MAP2K4: variants seen among roughly 807,000 people sequenced by gnomAD.
MAP2K4 encodes the protein mitogen-activated protein kinase kinase 4, also known as dual specificity mitogen-activated protein kinase kinase 4.
A neutral mutation model predicts 48.5 loss-of-function variants in MAP2K4; 4 were observed. That is an observed-to-expected ratio of 0.08 (90% CI 0.04 to 0.19). The LOEUF is 0.19. Among genes scored for constraint, MAP2K4 ranks in the 10% least tolerant of loss-of-function variants. The pLI is 1.00. For missense variants in MAP2K4, 258 were observed against 493.3 expected (o/e 0.52, Z 4.52); for synonymous variants, 166 against 173.1 (o/e 0.96, Z 0.32).
intron 4 of MAP2K4, among the ~76,000 whole-genome samples, chr17:12,104,557 C>CT (rs953863932): frequency 1.5e-4 from 22 of 151,702 alleles, no homozygotes; most frequent in South Asian, 1.0e-3. Flanking sequence ...TGTATTTAGG[C>CT]TTTTTTTAAA....
At chr17:12,098,849 T>A (rs146887553) in intron 4 of MAP2K4, among the ~76,000 whole-genome samples, 1 of 152,314 alleles carries the variant, frequency 6.6e-6, no homozygotes, top group East Asian at 1.9e-4. Flanking sequence ...ATCAAGGAGC[T>A]TATGAGATGT....
chr17:12,120,607 A>G (rs1972658858), intron 7 of MAP2K4, among the ~76,000 whole-genome samples: 1 of 144,342 alleles, frequency 6.9e-6, no homozygotes, highest in Non-Finnish European at 1.5e-5. Context: ...TTAGAGCAGT[A>G]TGCATTCATA....
chr17:12,128,379 A>G (rs1356748103), intron 8 of MAP2K4, among the ~76,000 whole-genome samples: 6 of 152,132 alleles, frequency 3.9e-5, no homozygotes, highest in Non-Finnish European at 7.4e-5. Context: ...GCCCGGCCTA[A>G]TTGGTAGGTT....
intron 4 of MAP2K4, among the ~76,000 whole-genome samples, chr17:12,103,844 C>T (rs1427734496): frequency 6.6e-6 from 1 of 152,042 alleles, no homozygotes; most frequent in Admixed American, 6.6e-5. Flanking sequence ...TCGTAATATA[C>T]AGATTTAGTT....
At chr17:12,134,759 A>G (rs1260695014) in intron 9 of MAP2K4, among the ~76,000 whole-genome samples, 1 of 152,258 alleles carries the variant, frequency 6.6e-6, no homozygotes, top group African/African-American at 2.4e-5. Context: ...ACACAAATGT[A>G]CACAAAACAC....
intron 2 of MAP2K4, among the ~76,000 whole-genome samples, chr17:12,060,300 C>T (rs1250053019): frequency 6.6e-6 from 1 of 152,090 alleles, no homozygotes; most frequent in African/African-American, 2.4e-5. Context: ...TCAATTTAGG[C>T]ATTGAATTAG....
Position 12,142,598 on chromosome 17 carries a change from G to A in MAP2K4, c.*1338G>A, listed in dbSNP as rs140706208. 2.7e-4 allele frequency: 63 copies of A among 233,092 alleles called. No homozygotes were observed. The highest frequency in any genetic ancestry group is 1.1e-3 in the African/African-American group (49 of 45,450). The allele number at this position is 233,092 out of a possible 1,614,324, so 14.4% of individuals were successfully genotyped here. On this transcript the variant is annotated 3_prime_UTR_variant, in exon 11 of 11. Transcript: ENST00000353533. The stretch of plus-strand genomic sequence containing the variant: ...TCTAGAGACACATTGGACCAGATGA[G>A]GATCCGAAACGGCAGCCTTTACGTT...
intron 4 of MAP2K4, among the ~76,000 whole-genome samples, chr17:12,099,845 A>G (rs563837376): frequency 1.3e-5 from 2 of 152,352 alleles, no homozygotes; most frequent in South Asian, 2.1e-4. Flanking sequence ...TGAGAATTTC[A>G]TAGCAGGTAA....
chr17:12,057,022 A>C (rs1217724870), intron 2 of MAP2K4, among the ~76,000 whole-genome samples: 2 of 152,166 alleles, frequency 1.3e-5, no homozygotes, highest in African/African-American at 4.8e-5. Context: ...AAGTTAAGAT[A>C]TGTCACAGGA....
Sources: gnomAD v4.1 joint callset for allele counts (sites outside exome capture counted in the v4.1 genomes callset) on GRCh38, gnomAD v4.1.1 for gene constraint, MANE v1.5 for transcripts, NCBI Gene and HGNC (gene_info 2026-07-23, HGNC 2026-07-21) for gene names.